Variants in TET1 observed in about 807,000 individuals in gnomAD.
The protein encoded by TET1 is tet methylcytosine dioxygenase 1, also known as methylcytosine dioxygenase TET1.
A neutral mutation model predicts 148.7 loss-of-function variants in TET1; 13 were observed. That is an observed-to-expected ratio of 0.09 (90% CI 0.06 to 0.14). TET1 has a LOEUF of 0.14. Among genes scored for constraint, TET1 ranks in the 10% least tolerant of loss-of-function variants. The pLI is 1.00. For synonymous variants in TET1, 907 were observed against 937.2 expected (o/e 0.97, Z 0.59); for missense variants, 2,182 against 2,553.8 (o/e 0.85, Z 3.14).
chr10:68,622,286 GGCCTT>G (rs1191962682), intron 3 of TET1, among the ~76,000 whole-genome samples: 1 of 136,678 alleles, frequency 7.3e-6, no homozygotes, highest in Non-Finnish European at 1.6e-5. Flanking sequence ...CTTTGGACAA[GGCCTT>G]GCTCTGTCGC....
intron 7 of TET1, among the ~76,000 whole-genome samples, chr10:68,669,146 G>A (rs2055233729): frequency 6.6e-6 from 1 of 152,148 alleles, no homozygotes; most frequent in South Asian, 2.1e-4. Context: ...TTTGAAAGCT[G>A]AGGAGGGAGG....
At chr10:68,653,538 T>C (rs2054971290) in intron 6 of TET1, among the ~76,000 whole-genome samples, 1 of 152,198 alleles carries the variant, frequency 6.6e-6, no homozygotes, top group African/African-American at 2.4e-5. Flanking sequence ...TTAACAGAAT[T>C]TGGAGAATTT....
At chr10:68,632,685 C>T (rs762232123) in intron 3 of TET1, 96 of 1,608,410 alleles carry the variant, frequency 6.0e-5, no homozygotes, top group East Asian at 2.9e-4. Context: ...AAGGTACCCA[C>T]CTCGATCCTG....
chr10:68,633,123 G>T (rs776958034), intron 3 of TET1, among the ~76,000 whole-genome samples: 3 of 152,050 alleles, frequency 2.0e-5, no homozygotes, highest in South Asian at 2.1e-4. Context: ...GGTGGAGGTT[G>T]CGGTGAGCCA....
chr10:68,652,374 G>A (rs912445340), intron 5 of TET1, 127 bp from the exon 6 acceptor site: 11 of 530,810 alleles, frequency 2.1e-5, no homozygotes, highest in African/African-American at 4.4e-5. Context: ...AGTAAATTAC[G>A]AAGAGTGTCT....
chr10:68,624,654 T>TCTCTCTC (rs2054438319), intron 3 of TET1, among the ~76,000 whole-genome samples: 1 of 58,406 alleles, frequency 1.7e-5, no homozygotes, highest in Admixed American at 1.9e-4. Flanking sequence ...CTTTCTTTCT[T>TCTCTCTC]TCTTTCTCTC....
At chr10:68,687,922 G>C (rs1369443074) in intron 11 of TET1, among the ~76,000 whole-genome samples, 3 of 152,072 alleles carry the variant, frequency 2.0e-5, no homozygotes, top group African/African-American at 4.8e-5. Flanking sequence ...TTGGGTTTTG[G>C]GTTTTGGGGT....
rs2054833771 is a variant in TET1, at chr10:68,645,756, A to G, written c.3027A>G (p.Lys1009=). 1 of 1,614,052 alleles carries G rather than the reference A, an allele frequency of 6.2e-7. No homozygotes were observed. The change falls in exon 4 of 12, where the codon AAA becomes AAG. Residue 1009 remains lysine, a synonymous_variant. Transcript: ENST00000373644. ...VTNSLSLFIP[K]SNSSKIDTNK... ...ATTCATTATCTCTTTTTATACCAAAATCAAATTCATCCAAGATTGACACCA... is the reference window on the plus strand; with the variant it reads ...ATTCATTATCTCTTTTTATACCAAAGTCAAATTCATCCAAGATTGACACCA...
intron 2 of TET1, among the ~76,000 whole-genome samples, chr10:68,596,023 C>CATATATATAT (rs1273677017): frequency 4.5e-4 from 43 of 95,392 alleles, no homozygotes; most frequent in African/African-American, 2.0e-3. Flanking sequence ...CACACACACA[C>CATATATATAT]ACACATATAT....
chr10:68,626,825 A>T (rs920059020), intron 3 of TET1, among the ~76,000 whole-genome samples: 4 of 152,144 alleles, frequency 2.6e-5, no homozygotes, highest in Non-Finnish European at 4.4e-5. Context: ...CTGGGATTAC[A>T]GATGCAAGCT....
At chr10:68,617,008 T>TAA (rs2054301550) in intron 3 of TET1, among the ~76,000 whole-genome samples, 1 of 7,984 alleles carries the variant, frequency 1.3e-4, no homozygotes, top group African/African-American at 4.3e-4. Flanking sequence ...CGCCTGGCCT[T>TAA]TTTTTTTTTT....
chr10:68,628,083 A>G (rs976777946), intron 3 of TET1, among the ~76,000 whole-genome samples: 3 of 151,792 alleles, frequency 2.0e-5, no homozygotes, highest in Non-Finnish European at 4.4e-5. Flanking sequence ...CTTGGCTGGG[A>G]TTATAGGCAC....
chr10:68,653,501 C>T (rs1320368535), intron 6 of TET1, among the ~76,000 whole-genome samples: 6 of 152,214 alleles, frequency 3.9e-5, no homozygotes, highest in Non-Finnish European at 7.4e-5. Context: ...AGAATAAAAT[C>T]CTACTGGTAA....
intron 3 of TET1, among the ~76,000 whole-genome samples, chr10:68,638,417 A>G (rs959031976): frequency 5.3e-5 from 8 of 152,176 alleles, no homozygotes; most frequent in Admixed American, 5.2e-4. Context: ...TACTTTATGC[A>G]TTCTCAAGAG....
intron 2 of TET1, among the ~76,000 whole-genome samples, chr10:68,582,065 G>C (rs2053804408): frequency 6.6e-6 from 1 of 151,350 alleles, no homozygotes; most frequent in African/African-American, 2.4e-5. Flanking sequence ...TATGTACTTG[G>C]TTAGTTTAAA....
At chr10:68,686,960 T>C (rs906433562) in intron 11 of TET1, among the ~76,000 whole-genome samples, 2 of 151,502 alleles carry the variant, frequency 1.3e-5, no homozygotes, top group Non-Finnish European at 2.9e-5. Flanking sequence ...CAATCTTGGC[T>C]CACTGCAAGC....
chr10:68,669,011 C>A (rs1193594015), intron 7 of TET1, among the ~76,000 whole-genome samples: 2 of 150,970 alleles, frequency 1.3e-5, no homozygotes, highest in Non-Finnish European at 1.5e-5. Context: ...ACTTCATGGG[C>A]CTGATGTACT....
chr10:68,624,130 T>C (rs2054415720), intron 3 of TET1, among the ~76,000 whole-genome samples: 1 of 151,210 alleles, frequency 6.6e-6, no homozygotes, highest in Admixed American at 6.6e-5. Context: ...GGAGTCTCGA[T>C]CTGTTGCCCA....
chr10:68,591,727 C>T (rs995497502), intron 2 of TET1, among the ~76,000 whole-genome samples: 5 of 151,692 alleles, frequency 3.3e-5, no homozygotes, highest in African/African-American at 9.7e-5. Flanking sequence ...ACGGTGAAAC[C>T]CCGTCTCCAC....
Sources: gnomAD v4.1 joint callset for allele counts (sites outside exome capture counted in the v4.1 genomes callset) on GRCh38, gnomAD v4.1.1 for gene constraint, MANE v1.5 for transcripts, NCBI Gene and HGNC (gene_info 2026-07-23, HGNC 2026-07-21) for gene names.